Variants in DMD observed in about 807,000 individuals in gnomAD.
DMD encodes mutant dystrophin.
In DMD, 63 loss-of-function variants were observed where a neutral mutation model predicts 330.1. The observed-to-expected ratio is 0.19, with a 90% CI of 0.16 to 0.24. DMD has a LOEUF of 0.24. DMD is among the 10% of genes least tolerant of loss of function. DMD has a pLI of 1.00. For synonymous variants in DMD, 1,223 were observed against 959.8 expected (o/e 1.27, Z -5.07); for missense variants, 3,344 against 2,684.1 (o/e 1.25, Z -5.43).
At chrX:32,761,845 C>T (rs181721353) in intron 7 of DMD, among the ~76,000 whole-genome samples, 197 of 111,103 alleles carry the variant, frequency 1.8e-3, no homozygotes, top group African/African-American at 6.2e-3. Context: ...ACTATCTGTT[C>T]ACATACTTAA....
intron 62 of DMD, among the ~76,000 whole-genome samples, chrX:31,318,716 A>G (rs73466350): frequency 0.039 from 4,345 of 112,230 alleles, 225 homozygotes; most frequent in African/African-American, 0.13. Context: ...ATGTAAAAAA[A>G]GCTGAGCAGT....
intron 57 of DMD, among the ~76,000 whole-genome samples, chrX:31,483,025 A>T (rs910560019): frequency 4.6e-5 from 5 of 108,779 alleles, no homozygotes; most frequent in African/African-American, 1.7e-4. Flanking sequence ...AGGTCTGTAA[A>T]ATAAGGAAAT....
chrX:32,463,483 C>T lies in DMD; in HGVS notation c.3388G>A (p.Glu1130Lys). ...CACTGAGTGTTAAGTTCTTTGAGTT[C>T]TGTCTCAAGTCTCGAAGCAAACTCT... ...EPEFASRLETELKELNTQWDH... is the reference protein window; with the variant it reads ...EPEFASRLETKLKELNTQWDH... The change falls in exon 25 of 79, where the codon GAA becomes AAA. Residue 1130 changes from glutamate to lysine, a missense_variant. Glu to Lys is a moderately conservative substitution (Grantham distance 56, BLOSUM62 1). Transcript: ENST00000357033. 8.3e-7 allele frequency: 1 copy of T among 1,207,724 alleles called. No individual in the cohort carries two copies. The highest frequency in any genetic ancestry group is 1.1e-6 in the Non-Finnish European group (1 of 893,419).
intron 29 of DMD, among the ~76,000 whole-genome samples, chrX:32,434,025 T>C (rs747721256): frequency 8.9e-6 from 1 of 112,070 alleles, no homozygotes; most frequent in South Asian, 3.7e-4. Context: ...GTGATGGAAA[T>C]AATTTATTAC....
chrX:32,438,551 CA>C (rs1472433838), intron 28 of DMD, among the ~76,000 whole-genome samples, 161 bp from the exon 29 acceptor site: 1 of 111,623 alleles, frequency 9.0e-6, no homozygotes, highest in Non-Finnish European at 1.9e-5. Flanking sequence ...ATTTTTGCTT[CA>C]AAAAATAGGA....
intron 1 of DMD, among the ~76,000 whole-genome samples, chrX:33,205,054 C>T (rs778229014): frequency 2.7e-5 from 3 of 112,122 alleles, no homozygotes; most frequent in Non-Finnish European, 3.8e-5. Context: ...TGCCCTTCAG[C>T]GTCTACTAAA....
At chrX:32,174,164 A>T (rs1417167283) in intron 44 of DMD, among the ~76,000 whole-genome samples, 1 of 112,068 alleles carries the variant, frequency 8.9e-6, no homozygotes, top group East Asian at 2.8e-4. Flanking sequence ...GACATGGCAA[A>T]CTTATGACTT....
chrX:31,119,473 T>A lies in DMD; in HGVS notation c.*2446A>T, dbSNP rs1277644681. On this transcript the variant is annotated 3_prime_UTR_variant, in exon 79 of 79. Transcript: ENST00000357033. ...TGATGTTTATGCTTCAGTTACATTA[T>A]GATTTACAGTTTAATACTTGGTGGT... The A allele has an allele frequency of 1.8e-5, 2 of 112,603 alleles. No individual in the cohort carries two copies. Among genetic ancestry groups the A allele is most frequent in the East Asian group, 5.5e-4 (2 of 3,624 alleles). The allele number at this position is 112,603 out of a possible 1,213,427, so 9.3% of individuals were successfully genotyped here. A position where few individuals can be genotyped will look rare whatever the true frequency, so the allele number is the denominator to read the frequency against.
At chrX:32,441,548 T>C (rs1043811443) in intron 27 of DMD, among the ~76,000 whole-genome samples, 46 of 111,560 alleles carry the variant, frequency 4.1e-4, no homozygotes, top group African/African-American at 1.5e-3. Flanking sequence ...CAAAAGACAG[T>C]AATTTACTTT....
In DMD at chrX:33,320,950, C is replaced by T. The variant is rs978565364; in HGVS notation, c.7+18309G>A. On this transcript the variant is annotated intron_variant, in intron 1 of 17. Transcript: ENST00000288447. ...TCAGATGCAATTCCTCATCCATTCA[C>T]GCTTTATTATGAGATTTTAGGAATT... Among the ~76,000 whole-genome samples the T allele has an allele frequency of 1.9e-4, 21 of 111,826 alleles. 1 individual carries two copies. The highest frequency in any genetic ancestry group is 3.2e-4 in the Non-Finnish European group (17 of 53,196).
chrX:32,727,432 T>G (rs1475514022), intron 7 of DMD, among the ~76,000 whole-genome samples: 2 of 111,223 alleles, frequency 1.8e-5, no homozygotes, highest in African/African-American at 6.5e-5. Context: ...TTCAAGCAAC[T>G]GACTAGACCA....
chrX:32,498,086 T>G (rs1307627529), intron 19 of DMD, among the ~76,000 whole-genome samples: 1 of 111,443 alleles, frequency 9.0e-6, no homozygotes, highest in Non-Finnish European at 1.9e-5. Flanking sequence ...TATGCACAGC[T>G]ACATGAATAT....
chrX:33,211,883 C>T (rs2051933663), upstream of DMD, among the ~76,000 whole-genome samples: 1 of 112,449 alleles, frequency 8.9e-6, no homozygotes, highest in South Asian at 3.6e-4. Context: ...TCAAAATTGA[C>T]TTTTAAATGC....
chrX:31,270,183 TC>T (rs1250122240), intron 62 of DMD, among the ~76,000 whole-genome samples: 4 of 79,733 alleles, frequency 5.0e-5, no homozygotes, highest in African/African-American at 1.6e-4. Context: ...AGTTTACCAT[TC>T]CTTGTTTTTT....
At chrX:32,648,371 T>C (rs915482405) in intron 9 of DMD, among the ~76,000 whole-genome samples, 6 of 112,188 alleles carry the variant, frequency 5.3e-5, no homozygotes, top group Middle Eastern at 4.3e-3. Flanking sequence ...TTTGTCTAGA[T>C]AGACTATTGT....
At chrX:31,536,954 T>C (rs1212312045) in intron 55 of DMD, among the ~76,000 whole-genome samples, 2 of 111,360 alleles carry the variant, frequency 1.8e-5, no homozygotes, top group Admixed American at 9.6e-5. Flanking sequence ...TCTGCTACTA[T>C]GGCCCTTTCT....
chrX:31,367,763 T>G (rs757565000), intron 60 of DMD, among the ~76,000 whole-genome samples: 2 of 111,915 alleles, frequency 1.8e-5, no homozygotes, highest in South Asian at 7.6e-4. Flanking sequence ...GTTGACTCAA[T>G]ATCGACTTTT....
chrX:33,010,327 T>C (rs1333101656), intron 2 of DMD, among the ~76,000 whole-genome samples: 1 of 105,754 alleles, frequency 9.5e-6, no homozygotes, highest in African/African-American at 3.5e-5. Flanking sequence ...TGTATAAATA[T>C]GTATATATGT....
intron 44 of DMD, among the ~76,000 whole-genome samples, chrX:32,191,882 TG>T (rs1415077016): frequency 8.9e-6 from 1 of 112,008 alleles, no homozygotes; most frequent in Non-Finnish European, 1.9e-5. Flanking sequence ...TGAATATTTT[TG>T]ATGCATGGTT....
Sources: gnomAD v4.1 joint callset for allele counts (sites outside exome capture counted in the v4.1 genomes callset) on GRCh38, gnomAD v4.1.1 for gene constraint, MANE v1.5 for transcripts, NCBI Gene and HGNC (gene_info 2026-07-23, HGNC 2026-07-21) for gene names.